TMEFF1: variants seen among roughly 807,000 people sequenced by gnomAD.
TMEFF1 encodes the protein transmembrane protein with EGF like and two follistatin like domains 1.
TMEFF1 carries 20 observed loss-of-function variants against 47.5 expected under a neutral mutation model. That is an observed-to-expected ratio of 0.42 (90% CI 0.30 to 0.61). The LOEUF is 0.61. Among genes scored for constraint, TMEFF1 ranks in the 20% least tolerant of loss-of-function variants. The probability of loss-of-function intolerance (pLI) is 0.19; values close to 1 mark genes in which losing one functional copy is unlikely to be tolerated. For synonymous variants in TMEFF1, 162 were observed against 166.3 expected (o/e 0.97, Z 0.20); for missense variants, 411 against 471.1 (o/e 0.87, Z 1.18).
intron 2 of TMEFF1, among the ~76,000 whole-genome samples, chr9:100,508,163 C>T (rs552023023): frequency 1.1e-4 from 16 of 152,176 alleles, no homozygotes; most frequent in South Asian, 2.1e-4. Context: ...TCTTTGGTCC[C>T]GTTTTTATTA....
intron 5 of TMEFF1, among the ~76,000 whole-genome samples, chr9:100,544,744 T>G (rs536121264): frequency 1.4e-3 from 208 of 152,368 alleles, no homozygotes; most frequent in Non-Finnish European, 2.2e-3. Flanking sequence ...CCTTTCTGCC[T>G]ATAAGCCTGT....
chr9:100,505,982 A>T (rs377127761), intron 2 of TMEFF1, among the ~76,000 whole-genome samples: 39 of 152,330 alleles, frequency 2.6e-4, no homozygotes, highest in African/African-American at 8.4e-4. Context: ...GAAGAAAGCA[A>T]TGTGATCCAT....
At chr9:100,507,532 A>G (rs775385618) in intron 2 of TMEFF1, among the ~76,000 whole-genome samples, 5 of 152,008 alleles carry the variant, frequency 3.3e-5, no homozygotes, top group Non-Finnish European at 7.4e-5. Context: ...TTGACTTTTT[A>G]ATAATAGCCA....
At chr9:100,515,583 C>G (rs1191667852) in intron 4 of TMEFF1, among the ~76,000 whole-genome samples, 3 of 151,942 alleles carry the variant, frequency 2.0e-5, no homozygotes, top group Non-Finnish European at 4.4e-5. Context: ...GTCAGGAGTT[C>G]AAGACCAGCC....
intron 5 of TMEFF1, among the ~76,000 whole-genome samples, chr9:100,546,258 C>T (rs2013103646): frequency 6.6e-6 from 1 of 152,100 alleles, no homozygotes; most frequent in African/African-American, 2.4e-5. Flanking sequence ...GCTGGGGAGG[C>T]CTCACAATCA....
chr9:100,540,336 T>G (rs1391937477), intron 5 of TMEFF1, among the ~76,000 whole-genome samples: 1 of 152,248 alleles, frequency 6.6e-6, no homozygotes, highest in East Asian at 1.9e-4. Context: ...AGAAAAGTTC[T>G]CCAAGTCCCC....
Position 100,576,612 on chromosome 9 carries a change from T to C in TMEFF1, c.*12T>C. ...CCAGAATGGTTTAAACTGATGACTT[T>C]TATATGTACACTGACCATGTGATGT... On this transcript the variant is annotated 3_prime_UTR_variant, in exon 10 of 10. Transcript: ENST00000374879. The C allele has an allele frequency of 6.8e-6, 11 of 1,607,174 alleles. No homozygotes were observed. Among genetic ancestry groups the C allele is most frequent in the Non-Finnish European group, 8.5e-6 (10 of 1,178,010 alleles).
intron 5 of TMEFF1, among the ~76,000 whole-genome samples, chr9:100,526,896 G>T (rs1442219542): frequency 7.8e-6 from 1 of 128,112 alleles, no homozygotes; most frequent in Non-Finnish European, 1.5e-5. Flanking sequence ...GATCACCTGA[G>T]ATCAGGAGTT....
At chr9:100,510,206 G>C (rs927695905) in intron 3 of TMEFF1, among the ~76,000 whole-genome samples, 22 of 152,322 alleles carry the variant, frequency 1.4e-4, no homozygotes, top group African/African-American at 3.8e-4. Context: ...AGGTTCCCCA[G>C]CTAACCCTAG....
rs115840694 is a variant in TMEFF1, at chr9:100,496,767, C to G, written c.197-1998C>G. ...ATCATAACTCAGAGTATTATCTTGC[C>G]TCGCAGACAAAATAAAAACTTTACT... On this transcript the variant is annotated intron_variant, in intron 1 of 9. Transcript: ENST00000374879. 2.4e-3 allele frequency among the ~76,000 whole-genome samples: 358 copies of G among 152,268 alleles called. 2 individuals are homozygous for G. Among genetic ancestry groups the G allele is most frequent in the African/African-American group, 8.1e-3 (336 of 41,550 alleles).
At chr9:100,526,537 G>A (rs963603230) in intron 5 of TMEFF1, among the ~76,000 whole-genome samples, 7 of 151,722 alleles carry the variant, frequency 4.6e-5, no homozygotes, top group African/African-American at 9.7e-5. Context: ...TAATTTCCAG[G>A]AGCTCATTTT....
intron 7 of TMEFF1, among the ~76,000 whole-genome samples, chr9:100,551,145 A>G (rs1838821386): frequency 6.6e-6 from 1 of 152,252 alleles, no homozygotes; most frequent in African/African-American, 2.4e-5. Flanking sequence ...CACCATTAAA[A>G]GATATGTGAT....
chr9:100,521,100 T>C lies in TMEFF1; in HGVS notation c.560+4329T>C, dbSNP rs561200315. 3.9e-5 allele frequency among the ~76,000 whole-genome samples: 6 copies of C among 152,332 alleles called. No individual in the cohort carries two copies. The East Asian group carries it at 1.2e-3, about 29-fold the overall frequency. On this transcript the variant is annotated intron_variant, in intron 5 of 9. Coordinates refer to ENST00000374879, the MANE Select transcript of TMEFF1 (RefSeq NM_003692.5). ...GAAACAAACACTCGCAGAAACTGTATCTAAAGTAAGAATAAGTTCTAAATG... is the reference window on the plus strand; with the variant it reads ...GAAACAAACACTCGCAGAAACTGTACCTAAAGTAAGAATAAGTTCTAAATG...
chr9:100,550,852 T>G (rs947535604), intron 7 of TMEFF1, among the ~76,000 whole-genome samples: 1 of 152,186 alleles, frequency 6.6e-6, no homozygotes, highest in African/African-American at 2.4e-5. Flanking sequence ...AAAGAAGCAG[T>G]AGGTTTTATT....
Position 100,473,671 on chromosome 9 carries a change from C to T in TMEFF1, c.127C>T (p.Pro43Ser), listed in dbSNP as rs760451724. The T allele has an allele frequency of 3.7e-5, 57 of 1,542,502 alleles. No homozygotes were observed. The highest frequency in any genetic ancestry group is 4.6e-5 in the Non-Finnish European group (53 of 1,143,866). Residue 43 changes from proline to serine, a missense_variant, in exon 1 of 10, where the codon CCC becomes TCC. By Grantham distance (74) the Pro-to-Ser change is moderately conservative. Transcript: ENST00000374879. The surrounding 1 kb of genome is among the most constrained non-coding windows in gnomAD (Gnocchi z 5.4). ...SLPGSRASNQ[P>S]PGGGGGSGGD... ...GCCCGGGAGCCGCGCGTCCAACCAG[C>T]CCCCGGGTGGTGGCGGCGGCAGCGG...
chr9:100,575,875 C>T (rs899493878), intron 9 of TMEFF1, among the ~76,000 whole-genome samples: 3 of 151,958 alleles, frequency 2.0e-5, no homozygotes, highest in Admixed American at 6.6e-5. Flanking sequence ...GAGATTTGTA[C>T]TGCTGTTGAG....
Position 100,542,371 on chromosome 9 carries a change from C to T in TMEFF1, c.561-5373C>T, listed in dbSNP as rs186587887. ...TCTTATATTACCCATGTATTTAGAC[C>T]TTTGTTCTTCATTCGTATTTGCATC... On this transcript the variant is annotated intron_variant, in intron 5 of 9. Coordinates refer to ENST00000374879, the MANE Select transcript of TMEFF1 (RefSeq NM_003692.5). Among the ~76,000 whole-genome samples the T allele has an allele frequency of 1.4e-3, 213 of 152,188 alleles. 1 individual carries two copies. Among genetic ancestry groups the T allele is most frequent in the Non-Finnish European group, 2.5e-3 (169 of 67,982 alleles).
intron 8 of TMEFF1, 65 bp from the exon 9 acceptor site, chr9:100,572,453 T>C: frequency 1.4e-6 from 2 of 1,430,012 alleles, no homozygotes; most frequent in Non-Finnish European, 1.8e-6. Flanking sequence ...TATTTTTTAA[T>C]GTAAAAGCTT....
intron 1 of TMEFF1, among the ~76,000 whole-genome samples, chr9:100,493,735 G>A (rs1837599680): frequency 6.6e-6 from 1 of 152,096 alleles, no homozygotes; most frequent in African/African-American, 2.4e-5. Flanking sequence ...AAGGCAGGTG[G>A]GTAATCATCA....
Sources: allele counts gnomAD v4.1 joint callset (sites outside exome capture counted in the v4.1 genomes callset), GRCh38; gene constraint gnomAD v4.1.1; non-coding constraint Gnocchi (gnomAD v3.1); transcripts MANE v1.5; gene names NCBI Gene and HGNC (gene_info 2026-07-23, HGNC 2026-07-21).